SMAP2: variants seen among roughly 807,000 people sequenced by gnomAD.
SMAP2 encodes small ArfGAP2.
Under a neutral mutation model 56.4 loss-of-function variants are expected in SMAP2, and 25 were observed. The observed-to-expected ratio is 0.44, with a 90% CI of 0.32 to 0.62. SMAP2 has a LOEUF of 0.62. SMAP2 is among the 20% of genes least tolerant of loss of function. The probability of loss-of-function intolerance (pLI) is 0.04; values close to 1 mark genes in which losing one functional copy is unlikely to be tolerated. For missense variants in SMAP2, 388 were observed against 545.6 expected (o/e 0.71, Z 2.88); for synonymous variants, 157 against 181.7 (o/e 0.86, Z 1.09).
chr1:40,375,129 A>G, intron 1 of SMAP2: 1 of 978,078 alleles, frequency 1.0e-6, no homozygotes, highest in Admixed American at 6.1e-5. Flanking sequence ...AATCTTGGTT[A>G]TTAGTGAAAT....
chr1:40,390,787 C>G (rs1261957910), intron 1 of SMAP2, among the ~76,000 whole-genome samples: 1 of 152,172 alleles, frequency 6.6e-6, no homozygotes, highest in East Asian at 1.9e-4. Context: ...GACTTGACCT[C>G]TCTAGGCCTT....
At chr1:40,409,735 A>T (rs1170456109) in intron 3 of SMAP2, 22 bp from the exon 4 acceptor site, 2 of 1,542,086 alleles carry the variant, frequency 1.3e-6, no homozygotes, top group African/African-American at 2.7e-5. Context: ...TGTTGGATTC[A>T]TCCTTAATAA....
intron 9 of SMAP2, among the ~76,000 whole-genome samples, chr1:40,418,880 C>T (rs537136226): frequency 3.3e-5 from 5 of 152,174 alleles, no homozygotes; most frequent in Non-Finnish European, 7.4e-5. Flanking sequence ...ATCACACTTA[C>T]AAGACTTTCC....
intron 1 of SMAP2, among the ~76,000 whole-genome samples, chr1:40,360,997 TTAA>T (rs1644457555): frequency 6.6e-6 from 1 of 152,212 alleles, no homozygotes; most frequent in Admixed American, 6.5e-5. Flanking sequence ...GGCACATGAC[TTAA>T]TAAGACACCA....
At chr1:40,415,714 T>C (rs1294262650) in intron 7 of SMAP2, among the ~76,000 whole-genome samples, 2 of 152,224 alleles carry the variant, frequency 1.3e-5, no homozygotes, top group Non-Finnish European at 2.9e-5. Context: ...ATGGCTACCA[T>C]TCGTGAAACG....
intron 1 of SMAP2, among the ~76,000 whole-genome samples, chr1:40,355,613 G>T (rs557418704): frequency 1.3e-5 from 2 of 152,096 alleles, no homozygotes; most frequent in Non-Finnish European, 2.9e-5. Context: ...TCACCCTGTT[G>T]TGCTATCTAA....
chr1:40,384,758 G>T (rs1644636860), intron 1 of SMAP2, among the ~76,000 whole-genome samples: 1 of 152,126 alleles, frequency 6.6e-6, no homozygotes. Context: ...CTCTTGGCAG[G>T]TGTTACTATA....
intron 2 of SMAP2, chr1:40,362,453 T>A (rs1473948870): frequency 2.0e-5 from 3 of 152,180 alleles, no homozygotes; most frequent in Admixed American, 1.3e-4. Context: ...GAAACTGTCT[T>A]TATTCAACAC....
At chr1:40,364,392 C>A (rs1644471241) in intron 2 of SMAP2, among the ~76,000 whole-genome samples, 1 of 152,070 alleles carries the variant, frequency 6.6e-6, no homozygotes, top group Admixed American at 6.6e-5. Context: ...GAGTTTGAGA[C>A]AGCCTGGGCA....
At chr1:40,393,138 A>T (rs1179696699) in intron 1 of SMAP2, among the ~76,000 whole-genome samples, 2 of 151,588 alleles carry the variant, frequency 1.3e-5, no homozygotes, top group African/African-American at 4.9e-5. Context: ...GTATAATTTT[A>T]TTGTTGTTGT....
At chr1:40,412,866 A>G (rs1257840210) in intron 4 of SMAP2, 150 bp from the exon 5 acceptor site, 1 of 603,950 alleles carries the variant, frequency 1.7e-6, no homozygotes, top group Non-Finnish European at 2.9e-6. Flanking sequence ...CTCATGCTCC[A>G]CACCAAGACA....
At chr1:40,380,340 A>G (rs1287016712) in intron 1 of SMAP2, among the ~76,000 whole-genome samples, 2 of 152,166 alleles carry the variant, frequency 1.3e-5, no homozygotes, top group African/African-American at 4.8e-5. Context: ...CTTGTATGAA[A>G]GATTAGACCA....
upstream of SMAP2, among the ~76,000 whole-genome samples, chr1:40,369,431 A>G (rs1337867052): frequency 2.7e-5 from 4 of 149,816 alleles, no homozygotes; most frequent in Non-Finnish European, 4.5e-5. Context: ...AGCTGGAGGC[A>G]TCACACTACC....
intron 9 of SMAP2, among the ~76,000 whole-genome samples, chr1:40,421,253 ATAACT>A (rs1645038656): frequency 6.6e-6 from 1 of 152,150 alleles, no homozygotes; most frequent in Non-Finnish European, 1.5e-5. Flanking sequence ...CTAAAGAAAA[ATAACT>A]TATATAGAAA....
intron 6 of SMAP2, 88 bp from the exon 7 acceptor site, chr1:40,415,184 T>A: frequency 1.0e-6 from 1 of 966,254 alleles, no homozygotes; most frequent in East Asian, 2.4e-5. Flanking sequence ...CATGAGCTTA[T>A]GGGCCACCTT....
At chr1:40,365,599 C>T (rs926201410) in intron 2 of SMAP2, among the ~76,000 whole-genome samples, 6 of 152,064 alleles carry the variant, frequency 3.9e-5, no homozygotes, top group Non-Finnish European at 7.4e-5. Context: ...CGCAGAAGAC[C>T]GGTGATTTCT....
chr1:40,374,933 T>G lies in SMAP2; in HGVS notation c.103+710T>G, dbSNP rs1212704788. 2 of 985,310 alleles carry G rather than the reference T, an allele frequency of 2.0e-6. No individual in the cohort carries two copies. The highest frequency in any genetic ancestry group is 2.4e-6 in the Non-Finnish European group (2 of 829,938). The allele number at this position is 985,310 out of a possible 1,614,324, so 61.0% of individuals were successfully genotyped here. On this transcript the variant is annotated intron_variant, in intron 1 of 9. Coordinates refer to ENST00000372718, the MANE Select transcript of SMAP2 (RefSeq NM_022733.3). This position sits in a 1 kb window ranked among gnomAD's most constrained non-coding sequence, Gnocchi z 5.9. ...GTGGCAGAAACTAGCCGATTATGCCTGTAGTGCAGGATCCGTTTAATCAGT... is the reference window on the plus strand; with the variant it reads ...GTGGCAGAAACTAGCCGATTATGCCGGTAGTGCAGGATCCGTTTAATCAGT...
intron 1 of SMAP2, among the ~76,000 whole-genome samples, chr1:40,348,062 C>T (rs1449696112): frequency 3.3e-5 from 5 of 151,994 alleles, no homozygotes; most frequent in African/African-American, 7.3e-5. Context: ...TTCAGGAGGT[C>T]GAGGCAGGCA....
Position 40,401,055 on chromosome 1 carries a change from C to T in SMAP2, c.104-5681C>T, listed in dbSNP as rs559276701. On this transcript the variant is annotated intron_variant, in intron 1 of 9. Coordinates refer to ENST00000372718, the MANE Select transcript of SMAP2 (RefSeq NM_022733.3). ...AGGGCGGATCACTAGGTCAGGAGATCGAGACCATCCTGGCTACCAAGGTGA... is the reference window on the plus strand; with the variant it reads ...AGGGCGGATCACTAGGTCAGGAGATTGAGACCATCCTGGCTACCAAGGTGA... 5.9e-5 allele frequency among the ~76,000 whole-genome samples: 9 copies of T among 152,206 alleles called. No individual in the cohort carries two copies. The South Asian group carries it at 1.2e-3, about 21-fold the overall frequency.
Sources: gnomAD v4.1 joint callset for allele counts (sites outside exome capture counted in the v4.1 genomes callset) on GRCh38, gnomAD v4.1.1 for gene constraint, Gnocchi (gnomAD v3.1) non-coding constraint, MANE v1.5 for transcripts, NCBI Gene and HGNC (gene_info 2026-07-23, HGNC 2026-07-21) for gene names.